Variants in PIEZO2 observed in about 807,000 individuals in gnomAD.
The protein encoded by PIEZO2 is piezo type mechanosensitive ion channel component 2, also known as piezo-type mechanosensitive ion channel component 2.
A neutral mutation model predicts 337.3 loss-of-function variants in PIEZO2; 172 were observed. The observed-to-expected ratio is 0.51, with a 90% confidence interval of 0.45 to 0.58. The LOEUF (loss-of-function observed/expected upper bound fraction) is 0.58, where lower values mean the gene tolerates loss of function less well. PIEZO2 is among the 20% of genes least tolerant of loss of function. PIEZO2 has a pLI of 0.00. For missense variants in PIEZO2, 3,028 were observed against 3,391.3 expected, an observed-to-expected ratio of 0.89 and a Z score of 2.66; for synonymous variants, 1,251 against 1,228.5, an observed-to-expected ratio of 1.02 and a Z score of -0.38.
At chr18:11,098,612 G>C (rs1042746086) in intron 1 of PIEZO2, among the ~76,000 whole-genome samples, 4 of 150,640 alleles carry the variant, frequency 2.7e-5, no homozygotes, top group Non-Finnish European at 5.9e-5. Flanking sequence ...GGGGCCTAAT[G>C]GGAGGTGTTT....
In PIEZO2 at chr18:10,727,630, GCACA is replaced by G. The variant is rs139881213; in HGVS notation, c.5029+3773_5029+3776del. ...TTTCCTAGCCCCACTCCCATTACAC[GCACA>G]CACACACACACACATACAGAGTGAT... is the stretch of plus-strand genomic sequence containing the variant. On this transcript the variant is annotated intron_variant, in intron 36 of 55. Transcript: ENST00000674853. This position sits in a 1 kb window ranked among gnomAD's most constrained non-coding sequence, Gnocchi z 6.3. 0.011 allele frequency: 1,610 copies of G among 150,676 alleles called. 18 individuals carry two copies. The highest frequency in any genetic ancestry group is 0.015 in the Non-Finnish European group (1,035 of 67,718). The allele number at this position is 150,676 out of a possible 1,614,324, so 9.3% of individuals were successfully genotyped here.
intron 23 of PIEZO2, 90 bp downstream of exon 23, chr18:10,762,410 C>G (rs2038172052): frequency 1.4e-6 from 2 of 1,429,428 alleles, no homozygotes; most frequent in Non-Finnish European, 1.9e-6. Context: ...TGGTTACTAT[C>G]AAATGTGATG....
intron 2 of PIEZO2, among the ~76,000 whole-genome samples, chr18:11,019,730 T>C (rs1324965428): frequency 6.6e-6 from 1 of 152,208 alleles, no homozygotes; most frequent in East Asian, 1.9e-4. Flanking sequence ...CAATAAAGGC[T>C]GATTTTTGTA....
intron 22 of PIEZO2, 88 bp from the exon 23 acceptor site, chr18:10,762,713 G>A (rs141678447): frequency 6.9e-7 from 1 of 1,448,018 alleles, no homozygotes; most frequent in Non-Finnish European, 9.2e-7. Flanking sequence ...TGAGCAAAAT[G>A]ATAGTGGTAG....
rs1345641976 is a variant in PIEZO2, at chr18:10,676,502, T to C, written c.8082-1214A>G. On this transcript the variant is annotated intron_variant, in intron 53 of 55. Coordinates refer to ENST00000674853, the MANE Select transcript of PIEZO2 (RefSeq NM_001378183.1). This position sits in a 1 kb window ranked among gnomAD's most constrained non-coding sequence, Gnocchi z 5.1. ...TAAGTGGCAGGATAGTATTTTGAGA[T>C]ATATAATATGTTTTTTTCCAAATTT... Among the ~76,000 whole-genome samples, 1 of 152,256 alleles carries C rather than the reference T, an allele frequency of 6.6e-6. No individual in the cohort carries two copies. Among genetic ancestry groups the C allele is most frequent in the African/African-American group, 2.4e-5 (1 of 41,464 alleles).
At chr18:10,935,992 C>A (rs890067755) in intron 3 of PIEZO2, among the ~76,000 whole-genome samples, 1 of 152,168 alleles carries the variant, frequency 6.6e-6, no homozygotes, top group Non-Finnish European at 1.5e-5. Context: ...AAAATGGCAG[C>A]CTCAAAACTC....
Position 10,716,841 on chromosome 18 carries a change from C to A in PIEZO2, c.5090-1025G>T, listed in dbSNP as rs1432951394. On this transcript the variant is annotated intron_variant, in intron 37 of 55. Transcript: ENST00000674853. The surrounding 1 kb of genome is among the most constrained non-coding windows in gnomAD (Gnocchi z 4.1). Reference sequence around the variant, plus strand: ...TATTTTCGACATGTATTTTCTCATACCCACAATTGTTTTCTTAGAAATGAT... The same window carrying A: ...TATTTTCGACATGTATTTTCTCATAACCACAATTGTTTTCTTAGAAATGAT... Among the ~76,000 whole-genome samples, 1 of 151,912 alleles carries A rather than the reference C, an allele frequency of 6.6e-6. No individual in the cohort carries two copies. Among genetic ancestry groups the A allele is most frequent in the Non-Finnish European group, 1.5e-5 (1 of 68,008 alleles).
intron 42 of PIEZO2, among the ~76,000 whole-genome samples, chr18:10,702,579 C>G (rs1037672215): frequency 3.3e-5 from 5 of 152,172 alleles, no homozygotes; most frequent in Admixed American, 3.3e-4. Context: ...TTCTTTAATT[C>G]GCAATCTATA....
In PIEZO2 at chr18:10,726,851, A is replaced by C. The variant is rs1294679620; in HGVS notation, c.5029+4556T>G. The stretch of plus-strand genomic sequence containing the variant: ...ACCCGGATGCCCCACCTTATGCAGG[A>C]CTTGGCACGCTACCGGCAGCAGCTG... On this transcript the variant is annotated intron_variant, in intron 36 of 55. Coordinates refer to ENST00000674853, the MANE Select transcript of PIEZO2 (RefSeq NM_001378183.1). The surrounding 1 kb of genome is among the most constrained non-coding windows in gnomAD (Gnocchi z 5.9). 5.0e-6 allele frequency: 8 copies of C among 1,590,738 alleles called. No individual in the cohort carries two copies. The highest frequency in any genetic ancestry group is 6.9e-6 in the Non-Finnish European group (8 of 1,161,530).
chr18:10,798,930 A>G (rs2039705814), intron 11 of PIEZO2, among the ~76,000 whole-genome samples: 1 of 142,030 alleles, frequency 7.0e-6, no homozygotes, highest in Admixed American at 6.9e-5. Flanking sequence ...GAAACAGTAG[A>G]GTTTGAAGCT....
Position 10,671,379 on chromosome 18 carries a change from G to A in PIEZO2, c.*148C>T. ...CTTAACTTGCAAGGTAGCTTTTACTGCAGAAGGATATCAGCTCCTTTTGTC... is the reference window on the plus strand; with the variant it reads ...CTTAACTTGCAAGGTAGCTTTTACTACAGAAGGATATCAGCTCCTTTTGTC... On this transcript the variant is annotated 3_prime_UTR_variant, in exon 56 of 56. Transcript: ENST00000674853. 1 of 808,066 alleles carries A rather than the reference G, an allele frequency of 1.2e-6. No homozygotes were observed. Among genetic ancestry groups the A allele is most frequent in the Non-Finnish European group, 1.8e-6 (1 of 542,820 alleles). The allele number at this position is 808,066 out of a possible 1,614,324, so 50.1% of individuals were successfully genotyped here. A position where few individuals can be genotyped will look rare whatever the true frequency, so the allele number is the denominator to read the frequency against.
chr18:10,991,856 AG>A (rs2035118255), intron 2 of PIEZO2, among the ~76,000 whole-genome samples: 1 of 152,206 alleles, frequency 6.6e-6, no homozygotes, highest in Admixed American at 6.5e-5. Flanking sequence ...ACAGTGTAAA[AG>A]TGTTCCTATT....
In PIEZO2 at chr18:10,895,463, T is replaced by C. The variant is rs1157133179; in HGVS notation, c.329+15723A>G. On this transcript the variant is annotated intron_variant, in intron 4 of 55. Coordinates refer to ENST00000674853, the MANE Select transcript of PIEZO2 (RefSeq NM_001378183.1). This position sits in a 1 kb window ranked among gnomAD's most constrained non-coding sequence, Gnocchi z 4.8. ...TCCGTCTCAAAAATAATAATAATAA[T>C]AGTAAGTCAAAAAAGAAAGTCAATG... 6.6e-6 allele frequency among the ~76,000 whole-genome samples: 1 copy of C among 151,592 alleles called. No homozygotes were observed. The highest frequency in any genetic ancestry group is 1.5e-5 in the Non-Finnish European group (1 of 67,894).
At chr18:10,730,579 A>G (rs1424872062) in intron 36 of PIEZO2, among the ~76,000 whole-genome samples, 1 of 152,076 alleles carries the variant, frequency 6.6e-6, no homozygotes, top group Non-Finnish European at 1.5e-5. Context: ...AAATATTTTT[A>G]CCCTTAGAGA....
At chr18:10,832,542 T>C (rs2040875643) in intron 7 of PIEZO2, among the ~76,000 whole-genome samples, 1 of 152,206 alleles carries the variant, frequency 6.6e-6, no homozygotes, top group Non-Finnish European at 1.5e-5. Context: ...GAGCAATGTT[T>C]TGATAGAGAC....
chr18:10,842,682 G>C (rs1379216711), intron 7 of PIEZO2, among the ~76,000 whole-genome samples: 1 of 152,192 alleles, frequency 6.6e-6, no homozygotes, highest in Non-Finnish European at 1.5e-5. Context: ...CCCAGCCTCA[G>C]GTATTCCTTC....
chr18:10,855,619 T>C lies in PIEZO2; in HGVS notation c.704-53A>G, dbSNP rs1051378871. The C allele has an allele frequency of 6.0e-6, 8 of 1,329,298 alleles. No individual in the cohort carries two copies. The highest frequency in any genetic ancestry group is 2.1e-5 in the Admixed American group (1 of 48,414). 82.3% of individuals were successfully genotyped at this position (1,329,298 alleles called of 1,614,324 possible). On this transcript the variant is annotated intron_variant, in intron 6 of 55. Coordinates refer to ENST00000674853, the MANE Select transcript of PIEZO2 (RefSeq NM_001378183.1). The surrounding 1 kb of genome is among the most constrained non-coding windows in gnomAD (Gnocchi z 4.9). The stretch of plus-strand genomic sequence containing the variant: ...TCAGGTAGAACTGGAAATTCACTTA[T>C]CATTCAGTGAATGTGACTATTTGAA...
intron 7 of PIEZO2, among the ~76,000 whole-genome samples, chr18:10,832,546 T>C (rs1360512690): frequency 6.6e-6 from 1 of 152,192 alleles, no homozygotes; most frequent in African/African-American, 2.4e-5. Flanking sequence ...AATGTTTTGA[T>C]AGAGACCCAA....
At position 11,149,145 on chromosome 18, in the gene PIEZO2, G is replaced by A. The variant is rs984419681; in HGVS notation, c.-557C>T. Among the ~76,000 whole-genome samples the A allele has an allele frequency of 1.3e-5, 2 of 152,120 alleles. No individual in the cohort carries two copies. The highest frequency in any genetic ancestry group is 4.8e-5 in the African/African-American group (2 of 41,452). On this transcript the variant is annotated 5_prime_UTR_variant, in exon 1 of 56. Coordinates refer to ENST00000674853, the MANE Select transcript of PIEZO2 (RefSeq NM_001378183.1). The surrounding 1 kb of genome is among the most constrained non-coding windows in gnomAD (Gnocchi z 8.7). ...TCTGGCCTCGGCCCCGGCTCTCGGA[G>A]CTGCCCGGCGGGCTCCGGGTCTCGC...
Sources: gnomAD v4.1 joint callset for allele counts (sites outside exome capture counted in the v4.1 genomes callset) on GRCh38, gnomAD v4.1.1 for gene constraint, Gnocchi (gnomAD v3.1) non-coding constraint, MANE v1.5 for transcripts, NCBI Gene and HGNC (gene_info 2026-07-23, HGNC 2026-07-21) for gene names.